TULP4: variants seen among roughly 807,000 people sequenced by gnomAD.
The protein encoded by TULP4 is TUB like protein 4.
A neutral mutation model predicts 129.0 loss-of-function variants in TULP4; 16 were observed. That is an observed-to-expected ratio of 0.12 (90% confidence interval 0.08 to 0.19). The LOEUF (loss-of-function observed/expected upper bound fraction) is 0.19. Among genes scored for constraint, TULP4 ranks in the 10% least tolerant of loss-of-function variants. The probability of loss-of-function intolerance (pLI) is 1.00; values close to 1 mark genes in which losing one functional copy is unlikely to be tolerated. For synonymous variants in TULP4, 998 were observed against 854.0 expected (o/e 1.17, Z -2.94); for missense variants, 1,842 against 2,059.1 (o/e 0.89, Z 2.04).
chr6:158,280,155 A>G (rs1312054601), upstream of TULP4, among the ~76,000 whole-genome samples: 1 of 152,156 alleles, frequency 6.6e-6, no homozygotes, highest in Admixed American at 6.5e-5. Context: ...TATGAATTTT[A>G]ATTAGAATTG....
At chr6:158,365,967 A>G (rs1780946615) in intron 1 of TULP4, among the ~76,000 whole-genome samples, 1 of 122,322 alleles carries the variant, frequency 8.2e-6, no homozygotes, top group Non-Finnish European at 1.6e-5. Flanking sequence ...CAGTGGCGCC[A>G]TCTCGGCTCA....
rs537756795 is a variant in TULP4 at position 158,267,364 on chromosome 6, A to G, written n.68+35061A>G. 3.9e-5 allele frequency among the ~76,000 whole-genome samples: 6 copies of G among 152,372 alleles called. No individual in the cohort carries two copies. In the South Asian group the frequency reaches 1.2e-3, roughly 32 times the overall value. Reference sequence around the variant, plus strand: ...TTGCCCTCAAAGAATACTGAAGTTGATATGCCAACATGTCAAACACAGAAG... The same window carrying G: ...TTGCCCTCAAAGAATACTGAAGTTGGTATGCCAACATGTCAAACACAGAAG... On this transcript the variant is annotated intron_variant and non_coding_transcript_variant, in intron 1 of 1. Transcript: ENST00000620026.
intron 6 of TULP4, among the ~76,000 whole-genome samples, chr6:158,464,421 G>A (rs1779509975): frequency 6.6e-6 from 1 of 152,186 alleles, no homozygotes; most frequent in South Asian, 2.1e-4. Context: ...TTGAAGTCAG[G>A]AGAAACAATT....
chr6:158,284,188 G>A (rs189360098), intron 1 of TULP4, among the ~76,000 whole-genome samples: 3 of 152,308 alleles, frequency 2.0e-5, no homozygotes, highest in Admixed American at 6.5e-5. Context: ...ACTGAAGGCC[G>A]GGGCCTGGGA....
intron 1 of TULP4, among the ~76,000 whole-genome samples, chr6:158,242,996 C>T (rs1468695031): frequency 6.6e-6 from 1 of 152,166 alleles, no homozygotes; most frequent in Non-Finnish European, 1.5e-5. Flanking sequence ...ACTATGTTGG[C>T]TAGGCTGGTC....
chr6:158,506,500 G>A, intron 13 of TULP4, 78 bp from the exon 14 acceptor site: 3 of 940,798 alleles, frequency 3.2e-6, no homozygotes, highest in Middle Eastern at 4.2e-4. Flanking sequence ...CAAAGTGCTG[G>A]GACTACAGGC....
intron 3 of TULP4, among the ~76,000 whole-genome samples, chr6:158,436,315 T>A (rs1311149884): frequency 6.6e-6 from 1 of 152,238 alleles, no homozygotes; most frequent in Non-Finnish European, 1.5e-5. Context: ...AGTTTATAGA[T>A]GATTGTGCTC....
intron 8 of TULP4, 105 bp downstream of exon 8, chr6:158,481,394 C>T: frequency 2.9e-6 from 3 of 1,028,392 alleles, no homozygotes; most frequent in South Asian, 1.4e-5. Flanking sequence ...AAACGTGAGC[C>T]TGTGGGGGCT....
At chr6:158,309,646 C>T (rs890959879), upstream of TULP4, among the ~76,000 whole-genome samples, 8 of 152,220 alleles carry the variant, frequency 5.3e-5, no homozygotes, top group South Asian at 4.2e-4. Context: ...CCCGGCACCT[C>T]GGGAGGCTGA....
At chr6:158,273,506 G>A (rs1778586262) in intron 1 of TULP4, among the ~76,000 whole-genome samples, 1 of 152,186 alleles carries the variant, frequency 6.6e-6, no homozygotes, top group African/African-American at 2.4e-5. Context: ...CCGAGGTTCA[G>A]ATGCAAGTGT....
rs763483536 is a variant in TULP4 at position 158,502,694 on chromosome 6, C to T, written c.3031C>T (p.Pro1011Ser). The T allele has an allele frequency of 5.1e-6, 8 of 1,558,472 alleles. No individual in the cohort carries two copies. Among genetic ancestry groups the T allele is most frequent in the Non-Finnish European group, 8.6e-7 (1 of 1,157,540 alleles). Residue 1011 changes from proline (P) to serine (S), a missense_variant, in exon 13 of 14, where the codon CCC becomes TCC. Physicochemically the swap from Pro to Ser is moderately conservative, Grantham distance 74. This residue lies in a region of TULP4 where 1,089 missense variants were observed against 987.1 expected (regional missense o/e 1.10). Coordinates refer to ENST00000367097, the MANE Select transcript of TULP4 (RefSeq NM_020245.5). ...CGACAGCCCGCGGGCCCCCCTGCAG[C>T]CCCTGGCCAAGTCCAAGGGCGGGCC... Reference protein sequence around the residue: ...LADSPRAPLQPLAKSKGGPGG... With the variant: ...LADSPRAPLQSLAKSKGGPGG...
At chr6:158,256,129 A>G (rs1213000814) in intron 1 of TULP4, among the ~76,000 whole-genome samples, 2 of 152,182 alleles carry the variant, frequency 1.3e-5, no homozygotes, top group Non-Finnish European at 2.9e-5. Flanking sequence ...AACATTCCAG[A>G]GTTGAGTTTG....
At chr6:158,242,493 A>C in intron 1 of TULP4, 1 of 810,114 alleles carries the variant, frequency 1.2e-6, no homozygotes, top group Admixed American at 1.8e-5. Context: ...AAGCTCCTTC[A>C]GTTTGTCTGT....
chr6:158,234,049 T>G (rs1333340273), intron 1 of TULP4, among the ~76,000 whole-genome samples: 5 of 152,256 alleles, frequency 3.3e-5, no homozygotes, highest in Admixed American at 2.0e-4. Flanking sequence ...GGAAGATGAT[T>G]AGGAAGTCAT....
At chr6:158,466,547 GT>G (rs1368233047) in intron 6 of TULP4, among the ~76,000 whole-genome samples, 1 of 152,064 alleles carries the variant, frequency 6.6e-6, no homozygotes, top group Non-Finnish European at 1.5e-5. Context: ...GGTTATTTGG[GT>G]TTTTGTTTTT....
At chr6:158,392,883 C>G (rs1286266924) in intron 1 of TULP4, among the ~76,000 whole-genome samples, 1 of 128,098 alleles carries the variant, frequency 7.8e-6, no homozygotes, top group Non-Finnish European at 1.6e-5. Context: ...TTGCTGCAAC[C>G]TCCACCTTCT....
At chr6:158,386,816 A>C (rs879454764) in intron 1 of TULP4, among the ~76,000 whole-genome samples, 4 of 152,158 alleles carry the variant, frequency 2.6e-5, no homozygotes, top group Non-Finnish European at 5.9e-5. Context: ...AATAGCTTCT[A>C]TCTCATAAGG....
At chr6:158,350,381 G>T (rs1374226480) in intron 1 of TULP4, among the ~76,000 whole-genome samples, 1 of 152,056 alleles carries the variant, frequency 6.6e-6, no homozygotes, top group Non-Finnish European at 1.5e-5. Flanking sequence ...CAGGCGGCTG[G>T]GAGGGGGAGG....
chr6:158,395,665 G>A (rs1777695151), intron 1 of TULP4, among the ~76,000 whole-genome samples: 1 of 31,052 alleles, frequency 3.2e-5, no homozygotes, highest in Non-Finnish European at 9.2e-5. Flanking sequence ...GTAAAGTGAT[G>A]GGCGGGGGGG....
Sources: allele counts gnomAD v4.1 joint callset (sites outside exome capture counted in the v4.1 genomes callset), GRCh38; gene constraint gnomAD v4.1.1; regional missense constraint gnomAD v4.1.1; transcripts MANE v1.5; gene names NCBI Gene and HGNC (gene_info 2026-07-23, HGNC 2026-07-21).